SAMD13: variants seen among roughly 807,000 people sequenced by gnomAD.
The protein encoded by SAMD13 is sterile alpha motif domain-containing protein 13.
A neutral mutation model predicts 12.4 loss-of-function variants in SAMD13; 9 were observed. The ratio of observed to expected loss-of-function variants is 0.72; its 90% confidence interval spans 0.44 to 1.26. The LOEUF is 1.26. Among genes scored for constraint, SAMD13 ranks in the 50% most tolerant of loss-of-function variants. The pLI is 0.00. For missense variants in SAMD13, 84 were observed against 119.6 expected (o/e 0.70, Z 1.39); for synonymous variants, 46 against 45.4 (o/e 1.01, Z -0.05).
intron 2 of SAMD13, among the ~76,000 whole-genome samples, chr1:84,314,370 C>T (rs963153725): frequency 2.0e-5 from 3 of 152,188 alleles, no homozygotes; most frequent in Admixed American, 6.5e-5. Context: ...AATGGGAAAC[C>T]GATTGAAGTA....
chr1:84,324,782 C>G (rs944724554), intron 2 of SAMD13, among the ~76,000 whole-genome samples: 2 of 152,160 alleles, frequency 1.3e-5, no homozygotes, highest in Non-Finnish European at 2.9e-5. Flanking sequence ...CAGGTCATTA[C>G]CAGTCTTTCT....
At chr1:84,344,212 C>T (rs1045696403) in intron 3 of SAMD13, among the ~76,000 whole-genome samples, 3 of 151,872 alleles carry the variant, frequency 2.0e-5, no homozygotes, top group Admixed American at 1.3e-4. Context: ...ATTTTGTGTC[C>T]GATTTAAGTG....
chr1:84,306,074 G>C (rs1302810676), intron 2 of SAMD13, among the ~76,000 whole-genome samples: 8 of 151,638 alleles, frequency 5.3e-5, no homozygotes, highest in Non-Finnish European at 1.2e-4. Flanking sequence ...GAAGAGAGTT[G>C]GTATTTTAAC....
intron 3 of SAMD13, among the ~76,000 whole-genome samples, chr1:84,338,978 G>C: frequency 6.6e-6 from 1 of 152,282 alleles, no homozygotes; most frequent in Admixed American, 6.5e-5. Flanking sequence ...TGAAACTCTT[G>C]AAGTAAGTTT....
At chr1:84,348,359 GC>G (rs1679577071) in intron 3 of SAMD13, among the ~76,000 whole-genome samples, 1 of 152,194 alleles carries the variant, frequency 6.6e-6, no homozygotes, top group Non-Finnish European at 1.5e-5. Context: ...AGTTGGAGGA[GC>G]CGCCCTGGGG....
rs371969843 is a variant in SAMD13 at position 84,338,794 on chromosome 1, A to G, written c.166-10837A>G. Among the ~76,000 whole-genome samples, 26 of 152,094 alleles carry G rather than the reference A, an allele frequency of 1.7e-4. 1 individual carries two copies. Among genetic ancestry groups the G allele is most frequent in the South Asian group, 1.5e-3 (7 of 4,810 alleles). ...CCTGAGACTTATTCACTATCCTGAG[A>G]ACAGCATGGGAAAGACCTGCCCCCA... On this transcript the variant is annotated intron_variant, in intron 3 of 3. Coordinates refer to ENST00000394834, the MANE Select transcript of SAMD13 (RefSeq NM_001134663.2).
intron 2 of SAMD13, among the ~76,000 whole-genome samples, chr1:84,316,985 A>G: frequency 6.6e-6 from 1 of 152,052 alleles, no homozygotes; most frequent in East Asian, 1.9e-4. Flanking sequence ...TTGTTTTCCT[A>G]ATTTCCTTTG....
At chr1:84,340,797 G>T (rs1450882071) in intron 3 of SAMD13, among the ~76,000 whole-genome samples, 1 of 152,166 alleles carries the variant, frequency 6.6e-6, no homozygotes, top group Non-Finnish European at 1.5e-5. Context: ...TCTTGACTGG[G>T]CTAAGAGATG....
In SAMD13 at chr1:84,339,177, TG is replaced by T. The variant is rs147838810; in HGVS notation, c.166-10450del. On this transcript the variant is annotated intron_variant, in intron 3 of 3. Coordinates refer to ENST00000394834, the MANE Select transcript of SAMD13 (RefSeq NM_001134663.2). ...TTTCAGTCTGGTTAAGAACAATTAT[TG>T]GGGAACTAGTACAGTCATTTGGAGA... Among the ~76,000 whole-genome samples, 522 of 152,334 alleles carry T rather than the reference TG, an allele frequency of 3.4e-3. 5 individuals are homozygous for T. The highest frequency in any genetic ancestry group is 0.011 in the African/African-American group (474 of 41,592).
chr1:84,341,952 G>A (rs1297618292), intron 3 of SAMD13, among the ~76,000 whole-genome samples: 1 of 152,180 alleles, frequency 6.6e-6, no homozygotes, highest in African/African-American at 2.4e-5. Flanking sequence ...ATAGTCCAAG[G>A]TAGCTGGTGG....
rs747659335 is a variant in SAMD13, at chr1:84,349,972, G to A, written c.*198G>A. On this transcript the variant is annotated 3_prime_UTR_variant, in exon 4 of 4. Coordinates refer to ENST00000394834, the MANE Select transcript of SAMD13 (RefSeq NM_001134663.2). ...GCCAGGAGGAGCAAGGACAAGATGC[G>A]CACAGGGTGGTTTTCCTCATGGATT... The A allele has an allele frequency of 1.2e-4, 145 of 1,204,950 alleles. No individual in the cohort carries two copies. The highest frequency in any genetic ancestry group is 1.4e-4 in the Non-Finnish European group (135 of 943,382). 74.6% of individuals were successfully genotyped at this position (1,204,950 alleles called of 1,614,324 possible).
At chr1:84,338,432 C>CT (rs201864672) in intron 3 of SAMD13, among the ~76,000 whole-genome samples, 47,712 of 100,390 alleles carry the variant, frequency 0.48, 12,297 homozygotes, top group East Asian at 0.54. Context: ...ACTCATCTCT[C>CT]TTTTTTTTTT....
chr1:84,335,435 G>A (rs77980149), intron 3 of SAMD13, among the ~76,000 whole-genome samples: 1 of 152,082 alleles, frequency 6.6e-6, no homozygotes, highest in African/African-American at 2.4e-5. Context: ...GCCTGTGCGT[G>A]TCATTACATG....
At chr1:84,346,811 T>C (rs1459498339) in intron 3 of SAMD13, among the ~76,000 whole-genome samples, 1 of 152,256 alleles carries the variant, frequency 6.6e-6, no homozygotes, top group Admixed American at 6.5e-5. Context: ...GAATGTTTTA[T>C]GTAGTCTTTG....
chr1:84,348,414 C>T (rs747747065), intron 3 of SAMD13, among the ~76,000 whole-genome samples: 3 of 152,108 alleles, frequency 2.0e-5, no homozygotes, highest in South Asian at 2.1e-4. Flanking sequence ...CAGCTACACA[C>T]GGTGTCCCCA....
chr1:84,308,650 GCTTT>G (rs141852670), intron 2 of SAMD13, among the ~76,000 whole-genome samples: 4,828 of 152,236 alleles, frequency 0.032, 94 homozygotes, highest in South Asian at 0.071. Context: ...TGAAGCTTCT[GCTTT>G]CTTTCTTTAT....
chr1:84,302,733 C>A, intron 1 of SAMD13: 1 of 960,554 alleles, frequency 1.0e-6, no homozygotes, highest in Non-Finnish European at 1.2e-6. Flanking sequence ...TGTCCTTCTG[C>A]ATTGCAATGA....
chr1:84,302,602 G>GCTAT (rs1363530598), intron 1 of SAMD13: 3 of 959,570 alleles, frequency 3.1e-6, no homozygotes, highest in African/African-American at 3.6e-5. Flanking sequence ...TGTGCTAAGG[G>GCTAT]CTATCTGGCA....
chr1:84,314,541 C>T (rs1273056131), intron 2 of SAMD13, among the ~76,000 whole-genome samples: 1 of 152,080 alleles, frequency 6.6e-6, no homozygotes, highest in Non-Finnish European at 1.5e-5. Flanking sequence ...GGTGATCTCT[C>T]CATCAGGCCC....
Sources: gnomAD v4.1 joint callset for allele counts (sites outside exome capture counted in the v4.1 genomes callset) on GRCh38, gnomAD v4.1.1 for gene constraint, MANE v1.5 for transcripts, NCBI Gene and HGNC (gene_info 2026-07-23, HGNC 2026-07-21) for gene names.